Variants in SLC6A6 observed in about 807,000 individuals in gnomAD.
SLC6A6 encodes the protein solute carrier family 6 member 6.
A neutral mutation model predicts 68.8 loss-of-function variants in SLC6A6; 16 were observed. The observed-to-expected ratio is 0.23, with a 90% CI of 0.16 to 0.35. The LOEUF is 0.35. Ranked by LOEUF, SLC6A6 falls within the 10% of genes least tolerant of loss-of-function variation. The pLI, the probability that SLC6A6 is intolerant of heterozygous loss-of-function variation, is 1.00. For synonymous variants in SLC6A6, 312 were observed against 315.4 expected (o/e 0.99, Z 0.12); for missense variants, 474 against 802.8 (o/e 0.59, Z 4.95).
In SLC6A6 at chr3:14,432,534, G is replaced by A. The variant is rs1276770654; in HGVS notation, c.-11-11090G>A. On this transcript the variant is annotated intron_variant, in intron 2 of 14. Transcript: ENST00000622186. ...GGCCATGGGGGAAGGAGATGGAAAAGGGGCTTGGCTCCCTCTGACCCTTCA... is the reference window on the plus strand; with the variant it reads ...GGCCATGGGGGAAGGAGATGGAAAAAGGGCTTGGCTCCCTCTGACCCTTCA... 4 of 152,304 alleles carry A rather than the reference G, an allele frequency of 2.6e-5. No homozygotes were observed. In the East Asian group the frequency reaches 7.7e-4, roughly 29 times the overall value. 9.4% of individuals were successfully genotyped at this position (152,304 alleles called of 1,614,324 possible). A position where few individuals can be genotyped will look rare whatever the true frequency, so the allele number is the denominator to read the frequency against.
intron 1 of SLC6A6, among the ~76,000 whole-genome samples, chr3:14,409,712 C>T (rs530334408): frequency 6.6e-6 from 1 of 152,194 alleles, no homozygotes; most frequent in African/African-American, 2.4e-5. Context: ...CCAAGGCAGG[C>T]CAAGGATCCA....
At chr3:14,453,168 A>G (rs1374374203) in intron 5 of SLC6A6, among the ~76,000 whole-genome samples, 1 of 152,202 alleles carries the variant, frequency 6.6e-6, no homozygotes, top group African/African-American at 2.4e-5. Context: ...CGTGCAGTCA[A>G]AAGGAAACGA....
At chr3:14,412,567 T>C (rs1248352136) in intron 1 of SLC6A6, among the ~76,000 whole-genome samples, 1 of 152,114 alleles carries the variant, frequency 6.6e-6, no homozygotes, top group African/African-American at 2.4e-5. Context: ...TAGTCCCAGC[T>C]ATTTGGGAGG....
chr3:14,484,498 C>G (rs914787095), intron 14 of SLC6A6, among the ~76,000 whole-genome samples: 2 of 152,174 alleles, frequency 1.3e-5, no homozygotes, highest in Admixed American at 6.5e-5. Flanking sequence ...AGGAACTCAA[C>G]TGCTGCTTTG....
chr3:14,451,196 A>G (rs1700243820), intron 5 of SLC6A6, among the ~76,000 whole-genome samples: 1 of 152,230 alleles, frequency 6.6e-6, no homozygotes, highest in Non-Finnish European at 1.5e-5. Flanking sequence ...CCTGGCAGAA[A>G]GGATTGAGAC....
At chr3:14,455,502 A>G (rs998139400) in intron 5 of SLC6A6, among the ~76,000 whole-genome samples, 3 of 152,196 alleles carry the variant, frequency 2.0e-5, no homozygotes, top group Non-Finnish European at 4.4e-5. Context: ...TGTCCTTGGG[A>G]TGTCCAGGGT....
intron 6 of SLC6A6, among the ~76,000 whole-genome samples, chr3:14,459,896 T>C (rs9853509): frequency 0.036 from 1,778 of 48,760 alleles, 41 homozygotes; most frequent in African/African-American, 0.17. Context: ...TTTTTTTTTT[T>C]TTTTTTTTTT....
intron 2 of SLC6A6, among the ~76,000 whole-genome samples, chr3:14,424,107 G>T (rs190995524): frequency 3.5e-3 from 530 of 152,266 alleles, no homozygotes; most frequent in African/African-American, 0.012. Flanking sequence ...AAAGGCCCCA[G>T]CAAGAGTGTT....
chr3:14,405,406 A>G (rs968019632), intron 1 of SLC6A6, among the ~76,000 whole-genome samples: 3 of 152,228 alleles, frequency 2.0e-5, no homozygotes, highest in Non-Finnish European at 4.4e-5. Flanking sequence ...AAGTCTTTCC[A>G]AAAGTCCTGA....
chr3:14,458,496 C>T (rs1411563197), intron 6 of SLC6A6, among the ~76,000 whole-genome samples: 3 of 152,190 alleles, frequency 2.0e-5, no homozygotes, highest in East Asian at 1.9e-4. Context: ...AGCCAGCAAC[C>T]GTGGTAAGAG....
At chr3:14,484,441 G>A (rs1479539848) in intron 14 of SLC6A6, among the ~76,000 whole-genome samples, 2 of 152,212 alleles carry the variant, frequency 1.3e-5, no homozygotes, top group African/African-American at 2.4e-5. Context: ...GAAGGTGGGA[G>A]CCATGGAGGC....
At chr3:14,407,848 A>C (rs763017580) in intron 1 of SLC6A6, among the ~76,000 whole-genome samples, 1 of 152,184 alleles carries the variant, frequency 6.6e-6, no homozygotes, top group African/African-American at 2.4e-5. Flanking sequence ...TTGCCAGTCT[A>C]AATCCTCATA....
rs1278948266 is a variant in SLC6A6, at chr3:14,488,507, C to CG, written c.*3501dup. On this transcript the variant is annotated 3_prime_UTR_variant, in exon 15 of 15. Transcript: ENST00000622186. ...AAGGCAGAGGCACCTAACTGCTCCC[C>CG]GCAGCCCACCCCACCCAAGATTCAG... The CG allele has an allele frequency of 6.6e-6, 1 of 152,260 alleles. No homozygotes were observed. Among genetic ancestry groups the CG allele is most frequent in the African/African-American group, 2.4e-5 (1 of 41,422 alleles). 9.4% of individuals were successfully genotyped at this position (152,260 alleles called of 1,614,324 possible). A position where few individuals can be genotyped will look rare whatever the true frequency, so the allele number is the denominator to read the frequency against.
At chr3:14,473,467 G>T (rs1230641404) in intron 10 of SLC6A6, among the ~76,000 whole-genome samples, 4 of 152,106 alleles carry the variant, frequency 2.6e-5, no homozygotes, top group Non-Finnish European at 5.9e-5. Context: ...AGAACCCTTT[G>T]TCCCCCTCCC....
intron 2 of SLC6A6, among the ~76,000 whole-genome samples, chr3:14,417,882 T>C (rs1407324393): frequency 1.3e-5 from 2 of 152,242 alleles, no homozygotes; most frequent in South Asian, 2.1e-4. Context: ...ACAGCAGCCT[T>C]ATTTTTCTTT....
chr3:14,464,733 A>C (rs1700577147), intron 6 of SLC6A6, among the ~76,000 whole-genome samples: 1 of 152,126 alleles, frequency 6.6e-6, no homozygotes, highest in African/African-American at 2.4e-5. Flanking sequence ...CTGCACCCCC[A>C]ACTCCATGGG....
At chr3:14,456,767 C>A (rs927619298) in intron 5 of SLC6A6, among the ~76,000 whole-genome samples, 5 of 152,150 alleles carry the variant, frequency 3.3e-5, no homozygotes, top group Admixed American at 6.5e-5. Flanking sequence ...CACTCCCTGC[C>A]CCTCCTGCAT....
In SLC6A6 at chr3:14,410,675, G is replaced by A. The variant is rs139803655; in HGVS notation, c.-53-5737G>A. Among the ~76,000 whole-genome samples, 79 of 152,358 alleles carry A rather than the reference G, an allele frequency of 5.2e-4. 1 individual carries two copies. The highest frequency in any genetic ancestry group is 1.4e-3 in the Admixed American group (21 of 15,306). The stretch of plus-strand genomic sequence containing the variant: ...GTTCTGCTCACATCGGGTCCTTGCC[G>A]ACCCAGAGGCTCAGGACCACTTCTC... On this transcript the variant is annotated intron_variant, in intron 1 of 14. Coordinates refer to ENST00000622186, the MANE Select transcript of SLC6A6 (RefSeq NM_003043.6).
intron 6 of SLC6A6, among the ~76,000 whole-genome samples, chr3:14,460,513 G>A (rs925977161): frequency 2.6e-5 from 4 of 152,206 alleles, no homozygotes; most frequent in Admixed American, 2.0e-4. Context: ...GTGACAGCCT[G>A]TGCAAAGGCC....
Sources: gnomAD v4.1 joint callset for allele counts (sites outside exome capture counted in the v4.1 genomes callset) on GRCh38, gnomAD v4.1.1 for gene constraint, MANE v1.5 for transcripts, NCBI Gene and HGNC (gene_info 2026-07-23, HGNC 2026-07-21) for gene names.